The following DDX59 variants were observed in gnomAD, a reference collection of about 807,000 sequenced individuals.
DDX59 encodes the protein DEAD-box helicase 59.
A neutral mutation model predicts 51.9 loss-of-function variants in DDX59; 30 were observed. The ratio of observed to expected loss-of-function variants is 0.58; its 90% confidence interval spans 0.43 to 0.78. The LOEUF (loss-of-function observed/expected upper bound fraction) is 0.78, where lower values mean the gene tolerates loss of function less well. Among genes scored for constraint, DDX59 ranks in the 30% least tolerant of loss-of-function variants. DDX59 has a pLI of 0.00. For synonymous variants in DDX59, 255 were observed against 253.3 expected (o/e 1.01, Z -0.06); for missense variants, 672 against 730.8 (o/e 0.92, Z 0.93).
intron 4 of DDX59, chr1:200,654,358 A>C (rs1189323286): frequency 6.6e-6 from 1 of 152,232 alleles, no homozygotes; most frequent in East Asian, 1.9e-4. Flanking sequence ...GCTTGCAGTA[A>C]GCAGAGATTG....
intron 2 of DDX59, among the ~76,000 whole-genome samples, chr1:200,664,670 C>G (rs1335058710): frequency 2.0e-5 from 3 of 151,468 alleles, no homozygotes; most frequent in African/African-American, 7.3e-5. Flanking sequence ...TCTTTCCTCT[C>G]TTTGCCCACT....
At chr1:200,668,174 G>A (rs1662908824) in intron 1 of DDX59, among the ~76,000 whole-genome samples, 2 of 152,098 alleles carry the variant, frequency 1.3e-5, no homozygotes, top group African/African-American at 4.8e-5. Context: ...GGGCGTTGGC[G>A]GCAGGCGCCT....
chr1:200,651,446 T>C (rs991485281), intron 4 of DDX59, among the ~76,000 whole-genome samples: 1 of 152,120 alleles, frequency 6.6e-6, no homozygotes, highest in Admixed American at 6.5e-5. Context: ...GAGCTCTGTG[T>C]GAGGATGCAG....
chr1:200,659,238 A>G (rs530831682), intron 3 of DDX59, 122 bp from the exon 4 acceptor site: 52 of 689,992 alleles, frequency 7.5e-5, no homozygotes, highest in Non-Finnish European at 1.2e-4. Context: ...GAATTCAGTG[A>G]TGAATAAGCC....
At chr1:200,654,232 T>C (rs565689993) in intron 4 of DDX59, among the ~76,000 whole-genome samples, 2 of 152,060 alleles carry the variant, frequency 1.3e-5, no homozygotes, top group East Asian at 1.9e-4. Flanking sequence ...GCTAACACGG[T>C]GAAATCTCAT....
intron 4 of DDX59, among the ~76,000 whole-genome samples, chr1:200,656,059 A>C (rs1354812979): frequency 6.6e-6 from 1 of 151,972 alleles, no homozygotes; most frequent in Non-Finnish European, 1.5e-5. Flanking sequence ...TGCACTCCTG[A>C]CCTCAGGTGA....
intron 3 of DDX59, among the ~76,000 whole-genome samples, chr1:200,660,268 T>C (rs757719051): frequency 6.6e-6 from 1 of 152,242 alleles, no homozygotes; most frequent in Non-Finnish European, 1.5e-5. Context: ...CATGGTGTAC[T>C]GGTATTAACT....
intron 7 of DDX59, among the ~76,000 whole-genome samples, chr1:200,646,136 C>G (rs1177534100): frequency 6.6e-6 from 1 of 152,060 alleles, no homozygotes. Context: ...GGGTTCAAGA[C>G]CAGCCAGGGC....
At chr1:200,658,669 C>T (rs535129055) in intron 4 of DDX59, among the ~76,000 whole-genome samples, 3 of 152,236 alleles carry the variant, frequency 2.0e-5, no homozygotes, top group Non-Finnish European at 4.4e-5. Flanking sequence ...GCACTCCAGC[C>T]TGGGTGACCT....
chr1:200,646,408 T>G (rs181915098), intron 7 of DDX59, among the ~76,000 whole-genome samples: 62 of 151,986 alleles, frequency 4.1e-4, no homozygotes, highest in Non-Finnish European at 1.3e-4. Context: ...TACAAAGAAC[T>G]TTCACAACTC....
intron 5 of DDX59, 118 bp from the exon 6 acceptor site, chr1:200,649,344 G>A (rs1661501628): frequency 1.9e-6 from 2 of 1,070,804 alleles, no homozygotes; most frequent in East Asian, 2.9e-5. Context: ...TTGTTAAGAA[G>A]GAGGCTGGGC....
chr1:200,665,933 T>G lies in DDX59; in HGVS notation c.804+4A>C, dbSNP rs547071009. 1 of 1,595,724 alleles carries G rather than the reference T, an allele frequency of 6.3e-7. No individual in the cohort carries two copies. The highest frequency in any genetic ancestry group is 1.1e-5 in the South Asian group (1 of 87,738). On this transcript the variant is annotated splice_donor_region_variant and intron_variant, in intron 2 of 7. Coordinates refer to ENST00000331314, the MANE Select transcript of DDX59 (RefSeq NM_001031725.6). Reference sequence around the variant, plus strand: ...TACATGTGAACTCTATTATTAACACTTACCTCGAATAAAGCTCGCATGATA... The same window carrying G: ...TACATGTGAACTCTATTATTAACACGTACCTCGAATAAAGCTCGCATGATA...
At chr1:200,641,362 T>C (rs1306719374), downstream of DDX59, 7 of 400,806 alleles carry the variant, frequency 1.7e-5, no homozygotes, top group Non-Finnish European at 2.5e-5. Flanking sequence ...TATGTGGCAA[T>C]GATCTTTGTA....
chr1:200,664,424 C>T (rs1662580921), intron 2 of DDX59, among the ~76,000 whole-genome samples: 1 of 152,160 alleles, frequency 6.6e-6, no homozygotes, highest in Non-Finnish European at 1.5e-5. Context: ...CAATAGTCAC[C>T]ATGCAGATCT....
rs573077011 is a variant in DDX59, at chr1:200,652,523, C to T, written c.1063-1847G>A. 3.3e-5 allele frequency among the ~76,000 whole-genome samples: 5 copies of T among 151,980 alleles called. No individual in the cohort carries two copies. In the East Asian group the frequency reaches 7.8e-4, roughly 24 times the overall value. ...TAGCTAGGACTACAGGCACATGCCA[C>T]CACACCCATCTAATTTTGTATTTTT... On this transcript the variant is annotated intron_variant, in intron 4 of 7. Coordinates refer to ENST00000331314, the MANE Select transcript of DDX59 (RefSeq NM_001031725.6).
Position 200,664,084 on chromosome 1 carries a change from G to A in DDX59, c.807C>T (p.Ser269=), listed in dbSNP as rs1442013869. 1.2e-6 allele frequency: 2 copies of A among 1,609,438 alleles called. No homozygotes were observed. Among genetic ancestry groups the A allele is most frequent in the South Asian group, 1.1e-5 (1 of 89,916 alleles). The change falls in exon 3 of 8, where the codon AGC becomes AGT. Residue 269 remains serine (S), a splice_region_variant and synonymous_variant. Coordinates refer to ENST00000331314, the MANE Select transcript of DDX59 (RefSeq NM_001031725.6). ...TAAGAATGAGCGCAGATGGAGTTTT[G>A]CTCTGCAAAGATGTGAAAAACAAGT... ...LPVIMRALFE[S]KTPSALILTP... is the part of the protein sequence containing the mutation.
intron 4 of DDX59, among the ~76,000 whole-genome samples, chr1:200,653,041 T>A (rs1661768243): frequency 6.6e-6 from 1 of 152,136 alleles, no homozygotes; most frequent in Non-Finnish European, 1.5e-5. Context: ...TCCTTTCTCT[T>A]CTCTCAATCT....
At chr1:200,658,903 T>C (rs1571637589) in intron 4 of DDX59, 124 bp downstream of exon 4, 1 of 769,018 alleles carries the variant, frequency 1.3e-6, no homozygotes, top group East Asian at 2.6e-5. Flanking sequence ...TGCAATGCTT[T>C]AAAAGTCCCT....
At chr1:200,656,553 T>C (rs1171704023) in intron 4 of DDX59, among the ~76,000 whole-genome samples, 1 of 152,196 alleles carries the variant, frequency 6.6e-6, no homozygotes, top group Non-Finnish European at 1.5e-5. Flanking sequence ...AGTATATAAC[T>C]GATTATGTTT....
Sources: gnomAD v4.1 joint callset for allele counts (sites outside exome capture counted in the v4.1 genomes callset) on GRCh38, gnomAD v4.1.1 for gene constraint, MANE v1.5 for transcripts, NCBI Gene and HGNC (gene_info 2026-07-23, HGNC 2026-07-21) for gene names.